The following SPPL2A variants were observed in gnomAD, a reference collection of about 807,000 sequenced individuals.
SPPL2A encodes the protein signal peptide peptidase like 2A.
A neutral mutation model predicts 63.8 loss-of-function variants in SPPL2A; 51 were observed. That is an observed-to-expected ratio of 0.80 (90% CI 0.64 to 1.01). The LOEUF (loss-of-function observed/expected upper bound fraction) is 1.01, where lower values mean the gene tolerates loss of function less well. SPPL2A is among the 50% of genes least tolerant of loss of function. SPPL2A has a pLI of 0.00. For missense variants in SPPL2A, 553 were observed against 622.7 expected (o/e 0.89, Z 1.19); for synonymous variants, 188 against 205.8 (o/e 0.91, Z 0.74).
chr15:50,748,439 T>C (rs1471981148), intron 3 of SPPL2A, among the ~76,000 whole-genome samples: 1 of 151,578 alleles, frequency 6.6e-6, no homozygotes, highest in Non-Finnish European at 1.5e-5. Context: ...GTGTAATACA[T>C]ATATATCTCT....
intron 1 of SPPL2A, among the ~76,000 whole-genome samples, chr15:50,753,278 GGA>G (rs1164903360): frequency 2.0e-5 from 3 of 152,244 alleles, no homozygotes; most frequent in African/African-American, 7.2e-5. Flanking sequence ...GGAAAAATGT[GGA>G]GAGATACATA....
At chr15:50,740,447 A>AAAAAAAAAAAAAAAG (rs1567161294) in intron 5 of SPPL2A, among the ~76,000 whole-genome samples, 6 of 128,306 alleles carry the variant, frequency 4.7e-5, no homozygotes, top group East Asian at 2.7e-4. Flanking sequence ...AAAAAAAAAG[A>AAAAAAAAAAAAAAAG]AAAAAAAAAG....
chr15:50,736,493 T>A (rs2062772291), intron 7 of SPPL2A, 151 bp downstream of exon 7: 2 of 530,078 alleles, frequency 3.8e-6, no homozygotes, highest in Non-Finnish European at 6.6e-6. Flanking sequence ...ACTCAATTTT[T>A]AATTTTATTT....
chr15:50,756,568 C>A (rs1021020677), intron 1 of SPPL2A, among the ~76,000 whole-genome samples: 4 of 151,736 alleles, frequency 2.6e-5, no homozygotes, highest in East Asian at 1.9e-4. Flanking sequence ...AAAAAAAATT[C>A]TTTTAGTAAA....
At chr15:50,740,715 A>G (rs1181101717) in intron 5 of SPPL2A, among the ~76,000 whole-genome samples, 4 of 151,592 alleles carry the variant, frequency 2.6e-5, no homozygotes, top group African/African-American at 9.7e-5. Flanking sequence ...GGTTCAAGCA[A>G]TTCTCCTGCC....
intron 1 of SPPL2A, among the ~76,000 whole-genome samples, chr15:50,753,249 T>A (rs2062924934): frequency 6.6e-6 from 1 of 152,176 alleles, no homozygotes. Flanking sequence ...AATGTATCTG[T>A]GCATTTATAT....
chr15:50,732,829 C>T lies in SPPL2A; in HGVS notation c.933-145G>A, dbSNP rs547952174. On this transcript the variant is annotated intron_variant, in intron 8 of 14. Coordinates refer to ENST00000261854, the MANE Select transcript of SPPL2A (RefSeq NM_032802.4). ...TTTAAGACAGATTCTCACTCTGTCA[C>T]CCAGGCTGGAGTGCAGTGGCATGAT... The T allele has an allele frequency of 1.0e-5, 6 of 589,586 alleles. No homozygotes were observed. The East Asian group carries it at 1.8e-4, about 18-fold the overall frequency. 36.5% of individuals were successfully genotyped at this position (589,586 alleles called of 1,614,324 possible).
intron 6 of SPPL2A, among the ~76,000 whole-genome samples, chr15:50,737,650 A>G (rs146833560): frequency 0.012 from 1,851 of 151,886 alleles, 18 homozygotes; most frequent in Middle Eastern, 0.034. Context: ...ACAGGGTTTC[A>G]CTATGTTGGC....
chr15:50,705,889 A>G lies in SPPL2A; in HGVS notation c.*1911T>C, dbSNP rs1050019294. The G allele has an allele frequency of 6.6e-6, 1 of 152,240 alleles. No homozygotes were observed. Among genetic ancestry groups the G allele is most frequent in the Non-Finnish European group, 1.5e-5 (1 of 68,046 alleles). The allele number at this position is 152,240 out of a possible 1,614,324, so 9.4% of individuals were successfully genotyped here. Reference sequence around the variant, plus strand: ...TATTTTATACATTATTTACAGAGAAATGAAAAATCCTGCTGCCTTTGTTAT... The same window carrying G: ...TATTTTATACATTATTTACAGAGAAGTGAAAAATCCTGCTGCCTTTGTTAT... On this transcript the variant is annotated 3_prime_UTR_variant, in exon 15 of 15. Coordinates refer to ENST00000261854, the MANE Select transcript of SPPL2A (RefSeq NM_032802.4).
Position 50,705,658 on chromosome 15 carries a change from A to AC in SPPL2A, c.*2141dup, listed in dbSNP as rs1302659755. On this transcript the variant is annotated 3_prime_UTR_variant, in exon 15 of 15. Coordinates refer to ENST00000261854, the MANE Select transcript of SPPL2A (RefSeq NM_032802.4). ...TAAGTCATTTGCCATAAACGAAAGG[A>AC]CCCATAACTGCATTAAGCAGAGAGG... 5.3e-5 allele frequency: 8 copies of AC among 152,210 alleles called. No individual in the cohort carries two copies. Among genetic ancestry groups the AC allele is most frequent in the Admixed American group, 5.2e-4 (8 of 15,284 alleles). The allele number at this position is 152,210 out of a possible 1,614,324, so 9.4% of individuals were successfully genotyped here. A position where few individuals can be genotyped will look rare whatever the true frequency, so the allele number is the denominator to read the frequency against.
chr15:50,721,337 C>G (rs2062644814), intron 13 of SPPL2A, among the ~76,000 whole-genome samples: 1 of 152,056 alleles, frequency 6.6e-6, no homozygotes, highest in Non-Finnish European at 1.5e-5. Flanking sequence ...TCTGGCCAGC[C>G]ACTGTGCCCA....
At chr15:50,710,563 CAT>C (rs1384310866) in intron 14 of SPPL2A, among the ~76,000 whole-genome samples, 1 of 152,088 alleles carries the variant, frequency 6.6e-6, no homozygotes, top group Non-Finnish European at 1.5e-5. Flanking sequence ...ACATTTTCAT[CAT>C]ATTTGGAAAC....
intron 13 of SPPL2A, among the ~76,000 whole-genome samples, chr15:50,720,895 T>G (rs1005846480): frequency 1.3e-5 from 2 of 152,116 alleles, no homozygotes; most frequent in Non-Finnish European, 2.9e-5. Flanking sequence ...CAATTTAGTA[T>G]AGTTTCTAAT....
chr15:50,740,652 C>T (rs984510205), intron 5 of SPPL2A, among the ~76,000 whole-genome samples: 5 of 151,822 alleles, frequency 3.3e-5, no homozygotes, highest in South Asian at 2.1e-4. Context: ...GCTCTGTTGC[C>T]GAGGCTGGAG....
At chr15:50,754,875 G>C (rs1358070616) in intron 1 of SPPL2A, among the ~76,000 whole-genome samples, 1 of 152,024 alleles carries the variant, frequency 6.6e-6, no homozygotes, top group Admixed American at 6.6e-5. Flanking sequence ...CCAGCTACTC[G>C]GGAGGCTGAG....
chr15:50,708,374 T>A (rs1434315518), intron 14 of SPPL2A, among the ~76,000 whole-genome samples: 1 of 152,112 alleles, frequency 6.6e-6, no homozygotes, highest in Non-Finnish European at 1.5e-5. Flanking sequence ...CTACAAAAAA[T>A]GAACTTGAGG....
chr15:50,754,838 T>C (rs2062941216), intron 1 of SPPL2A, among the ~76,000 whole-genome samples: 1 of 151,758 alleles, frequency 6.6e-6, no homozygotes, highest in Non-Finnish European at 1.5e-5. Context: ...AAAAATTAGC[T>C]GGGCATGGTG....
At chr15:50,746,855 A>T (rs1410554047) in intron 5 of SPPL2A, 1 of 152,290 alleles carries the variant, frequency 6.6e-6, no homozygotes, top group Non-Finnish European at 1.5e-5. Context: ...TTTCGTAGAG[A>T]CAGGGTTTCA....
chr15:50,764,678 G>A (rs187328873), intron 1 of SPPL2A: 90 of 152,246 alleles, frequency 5.9e-4, no homozygotes, highest in African/African-American at 2.0e-3. Flanking sequence ...CCGGGTTCCT[G>A]ACACCCCACT....
Sources: gnomAD v4.1 joint callset for allele counts (sites outside exome capture counted in the v4.1 genomes callset) on GRCh38, gnomAD v4.1.1 for gene constraint, MANE v1.5 for transcripts, NCBI Gene and HGNC (gene_info 2026-07-23, HGNC 2026-07-21) for gene names.